GABRB1: variants seen among roughly 807,000 people sequenced by gnomAD.
GABRB1 encodes gamma-aminobutyric acid type A receptor subunit beta1, also known as gamma-aminobutyric acid receptor subunit beta-1.
A neutral mutation model predicts 51.6 loss-of-function variants in GABRB1; 17 were observed. The ratio of observed to expected loss-of-function variants is 0.33; its 90% CI spans 0.23 to 0.49. The LOEUF is 0.49. Ranked by LOEUF, GABRB1 falls within the 20% of genes least tolerant of loss-of-function variation. The probability of loss-of-function intolerance (pLI) is 0.99; values close to 1 mark genes in which losing one functional copy is unlikely to be tolerated. For missense variants in GABRB1, 410 were observed against 600.6 expected, an observed-to-expected ratio of 0.68 and a Z score of 3.32; for synonymous variants, 247 against 218.9, an observed-to-expected ratio of 1.13 and a Z score of -1.14.
chr4:47,146,518 T>C (rs533273747), intron 3 of GABRB1, among the ~76,000 whole-genome samples: 2 of 152,214 alleles, frequency 1.3e-5, no homozygotes, highest in Admixed American at 6.5e-5. Flanking sequence ...TCATTTAGGA[T>C]TCTGAAGAAC....
chr4:47,318,005 T>C (rs1468681693), intron 4 of GABRB1, among the ~76,000 whole-genome samples: 3 of 152,022 alleles, frequency 2.0e-5, no homozygotes, highest in South Asian at 2.1e-4. Context: ...AAATTTATCA[T>C]TTGCAATAGC....
chr4:47,108,493 AG>A (rs1262142189), intron 3 of GABRB1, among the ~76,000 whole-genome samples: 1 of 152,066 alleles, frequency 6.6e-6, no homozygotes, highest in Admixed American at 6.6e-5. Flanking sequence ...TTAATAAAAA[AG>A]CATAAATTTC....
At chr4:47,088,974 T>A (rs1201673268) in intron 3 of GABRB1, among the ~76,000 whole-genome samples, 3 of 152,224 alleles carry the variant, frequency 2.0e-5, no homozygotes, top group African/African-American at 7.2e-5. Flanking sequence ...AGGGACTCCA[T>A]CTGCTGGACT....
chr4:47,337,830 A>AAAAG (rs1206647126), intron 5 of GABRB1, among the ~76,000 whole-genome samples: 3 of 151,538 alleles, frequency 2.0e-5, no homozygotes, highest in Non-Finnish European at 2.9e-5. Context: ...AAAAAAAAAA[A>AAAAG]AAAGATAGAT....
intron 4 of GABRB1, among the ~76,000 whole-genome samples, chr4:47,207,175 A>G (rs1256252354): frequency 1.3e-5 from 2 of 151,994 alleles, no homozygotes; most frequent in Non-Finnish European, 2.9e-5. Context: ...CACAATTTGC[A>G]CAAATCTCAT....
intron 3 of GABRB1, among the ~76,000 whole-genome samples, chr4:47,051,816 C>A (rs34429439): frequency 6.6e-6 from 1 of 151,922 alleles, no homozygotes; most frequent in Non-Finnish European, 1.5e-5. Context: ...GAAAGTCAGC[C>A]GACTAGTAGT....
At chr4:47,105,813 G>A (rs2109616898) in intron 3 of GABRB1, among the ~76,000 whole-genome samples, 1 of 152,186 alleles carries the variant, frequency 6.6e-6, no homozygotes, top group East Asian at 1.9e-4. Flanking sequence ...AAGAACTGTG[G>A]AGAGGATCCA....
intron 3 of GABRB1, among the ~76,000 whole-genome samples, chr4:47,129,138 A>G (rs1246659409): frequency 6.6e-6 from 1 of 152,184 alleles, no homozygotes. Flanking sequence ...CAACATAGCA[A>G]CAACCCTAGT....
chr4:47,293,740 GAC>G (rs1232093651), intron 4 of GABRB1, among the ~76,000 whole-genome samples: 1 of 152,042 alleles, frequency 6.6e-6, no homozygotes, highest in Admixed American at 6.6e-5. Flanking sequence ...GAATAATAAA[GAC>G]ACACACATAC....
rs116072075 is a variant in GABRB1 at position 47,226,466 on chromosome 4, A to T, written c.461+64997A>T. ...AAGAAGCAGAACACAGCTCCCTACTACTAAAAGGATTGTGAAAAGAGCATC... is the reference window on the plus strand; with the variant it reads ...AAGAAGCAGAACACAGCTCCCTACTTCTAAAAGGATTGTGAAAAGAGCATC... On this transcript the variant is annotated intron_variant, in intron 4 of 8. Coordinates refer to ENST00000295454, the MANE Select transcript of GABRB1 (RefSeq NM_000812.4). Among the ~76,000 whole-genome samples the T allele has an allele frequency of 8.5e-3, 1,297 of 152,240 alleles. 22 individuals are homozygous for T. Among genetic ancestry groups the T allele is most frequent in the South Asian group, 0.032 (154 of 4,826 alleles).
chr4:47,160,811 A>G (rs959401237), intron 3 of GABRB1, among the ~76,000 whole-genome samples: 5 of 151,582 alleles, frequency 3.3e-5, no homozygotes, highest in Admixed American at 6.6e-5. Flanking sequence ...TTTAGAGACA[A>G]GGTATTGCTC....
At chr4:47,316,928 T>C (rs1724915683) in intron 4 of GABRB1, among the ~76,000 whole-genome samples, 1 of 151,984 alleles carries the variant, frequency 6.6e-6, no homozygotes, top group South Asian at 2.1e-4. Flanking sequence ...AATCCCTGCT[T>C]TTATATGTAT....
chr4:47,348,244 T>G (rs1056377439), intron 5 of GABRB1, among the ~76,000 whole-genome samples: 1 of 152,192 alleles, frequency 6.6e-6, no homozygotes, highest in African/African-American at 2.4e-5. Flanking sequence ...TTATTTTTAA[T>G]TGTATTAATG....
At chr4:47,208,827 A>T (rs1720241724) in intron 4 of GABRB1, among the ~76,000 whole-genome samples, 1 of 152,098 alleles carries the variant, frequency 6.6e-6, no homozygotes, top group Admixed American at 6.6e-5. Flanking sequence ...AGTTGGGTCC[A>T]TCTGAGAAGA....
intron 4 of GABRB1, among the ~76,000 whole-genome samples, chr4:47,254,461 G>A (rs1722120679): frequency 7.5e-6 from 1 of 133,014 alleles, no homozygotes; most frequent in Non-Finnish European, 1.5e-5. Flanking sequence ...CGCCTCCCGA[G>A]TTCACGCAGT....
chr4:47,316,610 C>A (rs1164471704), intron 4 of GABRB1, among the ~76,000 whole-genome samples: 1 of 151,878 alleles, frequency 6.6e-6, no homozygotes, highest in East Asian at 1.9e-4. Context: ...TTAAATTATG[C>A]AGAGCATTGA....
chr4:47,338,956 A>C (rs2109984615), intron 5 of GABRB1, among the ~76,000 whole-genome samples: 1 of 152,276 alleles, frequency 6.6e-6, no homozygotes, highest in Non-Finnish European at 1.5e-5. Context: ...TCAGTTCCTA[A>C]CTAATACTTT....
intron 4 of GABRB1, among the ~76,000 whole-genome samples, chr4:47,181,921 CAT>C (rs1234357930): frequency 6.6e-6 from 1 of 151,954 alleles, no homozygotes; most frequent in Non-Finnish European, 1.5e-5. Context: ...TGGCTATATT[CAT>C]GTCTTGCTCA....
intron 5 of GABRB1, among the ~76,000 whole-genome samples, chr4:47,399,647 G>C (rs141989962): frequency 7.0e-4 from 107 of 152,250 alleles, no homozygotes; most frequent in African/African-American, 2.5e-3. Context: ...GTTTCCTCAT[G>C]CAGGTACCTA....
Sources: gnomAD v4.1 joint callset for allele counts (sites outside exome capture counted in the v4.1 genomes callset) on GRCh38, gnomAD v4.1.1 for gene constraint, MANE v1.5 for transcripts, NCBI Gene and HGNC (gene_info 2026-07-23, HGNC 2026-07-21) for gene names.